The following EIF1 variants were observed in gnomAD, a reference collection of about 807,000 sequenced individuals.
EIF1 encodes protein translation factor SUI1 homolog.
EIF1 carries 4 observed loss-of-function variants against 13.7 expected under a neutral mutation model. The ratio of observed to expected loss-of-function variants is 0.29; its 90% CI spans 0.14 to 0.67. The LOEUF is 0.67. EIF1 is among the 30% of genes least tolerant of loss of function. The pLI, the probability that EIF1 is intolerant of heterozygous loss-of-function variation, is 0.77. For synonymous variants in EIF1, 67 were observed against 50.7 expected, an observed-to-expected ratio of 1.32 and a Z score of -1.37; for missense variants, 64 against 138.0, an observed-to-expected ratio of 0.46 and a Z score of 2.69.
At position 41,688,928 on chromosome 17, in the gene EIF1, C is replaced by G; in HGVS notation, c.-111C>G. ...CCGCCGAGGATTCAGCAGCCTCCCCCTTGAGCCCCCTCGCTTCCCGACGTT... is the reference window on the plus strand; with the variant it reads ...CCGCCGAGGATTCAGCAGCCTCCCCGTTGAGCCCCCTCGCTTCCCGACGTT... On this transcript the variant is annotated 5_prime_UTR_variant, in exon 1 of 4. Transcript: ENST00000469257. 4 of 1,142,378 alleles carry G rather than the reference C, an allele frequency of 3.5e-6. No individual in the cohort carries two copies. Among genetic ancestry groups the G allele is most frequent in the Non-Finnish European group, 5.1e-6 (4 of 781,372 alleles). The allele number at this position is 1,142,378 out of a possible 1,614,324, so 70.8% of individuals were successfully genotyped here.
chr17:41,689,479 G>A (rs894487926), intron 1 of EIF1: 4 of 455,632 alleles, frequency 8.8e-6, no homozygotes, highest in Non-Finnish European at 1.6e-5. Context: ...CGCCTCGGGA[G>A]CTCGGGTTCC....
At chr17:41,689,212 A>C (rs1040293509) in intron 1 of EIF1, 143 bp downstream of exon 1, 20 of 984,364 alleles carry the variant, frequency 2.0e-5, no homozygotes, top group Non-Finnish European at 2.9e-5. Flanking sequence ...GGGCAGCGGG[A>C]TCAAGGCCTG....
In EIF1 at chr17:41,689,768, T is replaced by G. The variant is rs1357525464; in HGVS notation, c.32-10T>G. 1 of 1,587,128 alleles carries G rather than the reference T, an allele frequency of 6.3e-7. No homozygotes were observed. Among genetic ancestry groups the G allele is most frequent in the South Asian group, 1.1e-5 (1 of 88,240 alleles). ...TGACAGCTCTGAACGAGCTTAACCT[T>G]TTTTTTCAGACCCCTTTGCTGATGC... On this transcript the variant is annotated splice_polypyrimidine_tract_variant and intron_variant, in intron 1 of 3. Transcript: ENST00000469257.
chr17:41,690,806 C>T lies in EIF1; in HGVS notation c.322C>T (p.Leu108=). Residue 108 remains leucine, a synonymous_variant, in exon 4 of 4, where the codon CTG becomes TTG. Transcript: ENST00000469257. ...GATTGGACTGGCTAAGGACGATCAG[C>T]TGAAGGTTCATGGGTTTTAAGTGCT... is the stretch of plus-strand genomic sequence containing the variant. ...VEIGLAKDDQ[L]KVHGF is the part of the protein sequence containing the mutation. The T allele has an allele frequency of 6.2e-7, 1 of 1,613,876 alleles. No homozygotes were observed. Among genetic ancestry groups the T allele is most frequent in the Non-Finnish European group, 8.5e-7 (1 of 1,179,852 alleles).
rs1267241257 is a variant in EIF1, at chr17:41,692,466, AGC to A, written c.*1641_*1642del. The stretch of plus-strand genomic sequence containing the variant: ...TTAGTTAAAAAGGCAAAGTTCTTTC[AGC>A]ACACATATCTGCATGCAGTCACGTG... On this transcript the variant is annotated 3_prime_UTR_variant, in exon 4 of 4. Transcript: ENST00000469257. 1.3e-5 allele frequency: 2 copies of A among 152,116 alleles called. No individual in the cohort carries two copies. Among genetic ancestry groups the A allele is most frequent in the Non-Finnish European group, 2.9e-5 (2 of 68,050 alleles). The allele number at this position is 152,116 out of a possible 1,614,324, so 9.4% of individuals were successfully genotyped here. A position where few individuals can be genotyped will look rare whatever the true frequency, so the allele number is the denominator to read the frequency against.
At chr17:41,690,697 AG>A in intron 3 of EIF1, 84 bp from the exon 4 acceptor site, 1 of 1,479,230 alleles carries the variant, frequency 6.8e-7, no homozygotes, top group South Asian at 1.1e-5. Flanking sequence ...GTGTAGTAGC[AG>A]GAAGACAGGG....
chr17:41,689,062 C>G lies in EIF1; in HGVS notation c.24C>G (p.His8Gln). The change falls in exon 1 of 4, where the codon CAC (histidine) becomes CAG (glutamine). Residue 8 changes from histidine to glutamine, a missense_variant. Around this residue, in one of 2 missense-constraint regions of EIF1, gnomAD observed 29 missense variants for 34.7 expected, o/e 0.84. Transcript: ENST00000469257. ...GTATGTCCGCTATCCAGAACCTCCA[C>G]TCTTTCGGTAAGCTATGGGAAAGGT... MSAIQNL[H>Q]SFDPFADASK... 1.2e-6 allele frequency: 2 copies of G among 1,613,744 alleles called. No individual in the cohort carries two copies. Among genetic ancestry groups the G allele is most frequent in the Non-Finnish European group, 1.7e-6 (2 of 1,179,920 alleles).
At chr17:41,689,670 G>T in intron 1 of EIF1, 108 bp from the exon 2 acceptor site, 3 of 1,192,544 alleles carry the variant, frequency 2.5e-6, no homozygotes, top group Non-Finnish European at 3.5e-6. Flanking sequence ...CCCAAGCCCT[G>T]ACGATTTCAG....
intron 3 of EIF1, chr17:41,690,520 ACT>A (rs2042582911): frequency 3.6e-6 from 2 of 562,098 alleles, no homozygotes; most frequent in Admixed American, 6.8e-5. Context: ...ATACTAAAAT[ACT>A]GTTACATGAT....
intron 1 of EIF1, 98 bp from the exon 2 acceptor site, chr17:41,689,680 G>A: frequency 1.6e-6 from 2 of 1,266,526 alleles, no homozygotes; most frequent in South Asian, 3.0e-5. Flanking sequence ...GACGATTTCA[G>A]TGTTGTTTTC....
intron 3 of EIF1, 30 bp downstream of exon 3, chr17:41,690,219 T>C (rs746948824): frequency 3.8e-6 from 6 of 1,568,388 alleles, no homozygotes; most frequent in Admixed American, 1.7e-5. Flanking sequence ...GATTTGTGCC[T>C]CTCTGCTGGC....
At chr17:41,690,568 T>C in intron 3 of EIF1, 1 of 583,946 alleles carries the variant, frequency 1.7e-6, no homozygotes, top group Non-Finnish European at 3.1e-6. Flanking sequence ...TTCAGATACC[T>C]GATGAGTCTC....
Position 41,692,619 on chromosome 17 carries a change from T to C in EIF1, c.*1793T>C, listed in dbSNP as rs1339104871. 1 of 152,218 alleles carries C rather than the reference T, an allele frequency of 6.6e-6. No homozygotes were observed. The highest frequency in any genetic ancestry group is 6.5e-5 in the Admixed American group (1 of 15,274). 9.4% of individuals were successfully genotyped at this position (152,218 alleles called of 1,614,324 possible). A position where few individuals can be genotyped will look rare whatever the true frequency, so the allele number is the denominator to read the frequency against. ...ATGGCCTACAAGAAGCTTGTGTGGATGGCTTTGAATGTGGCCCAACACGAA... is the reference window on the plus strand; with the variant it reads ...ATGGCCTACAAGAAGCTTGTGTGGACGGCTTTGAATGTGGCCCAACACGAA... On this transcript the variant is annotated 3_prime_UTR_variant, in exon 4 of 4. Transcript: ENST00000469257.
At chr17:41,689,181 G>A in intron 1 of EIF1, 112 bp downstream of exon 1, 3 of 1,294,818 alleles carry the variant, frequency 2.3e-6, no homozygotes, top group Admixed American at 1.8e-5. Context: ...CTCGGGCAGG[G>A]GAAACTTGAC....
chr17:41,690,284 A>G (rs1032326227), intron 3 of EIF1, 95 bp downstream of exon 3: 15 of 1,005,764 alleles, frequency 1.5e-5, no homozygotes, highest in Non-Finnish European at 2.1e-5. Flanking sequence ...TTGGCTTTGT[A>G]AGGCTGAGCA....
intron 1 of EIF1, chr17:41,689,359 A>ATTGCGTCACGTCCG: frequency 1.8e-6 from 1 of 555,058 alleles, no homozygotes; most frequent in East Asian, 3.1e-5. Flanking sequence ...TCCCGTCACC[A>ATTGCGTCACGTCCG]TTGCGTCACG....
At position 41,690,883 on chromosome 17, in the gene EIF1, C is replaced by T. The variant is rs1027899448; in HGVS notation, c.*57C>T. On this transcript the variant is annotated 3_prime_UTR_variant, in exon 4 of 4. Transcript: ENST00000469257. Reference sequence around the variant, plus strand: ...ATTTCCTTGCAATGAGTAGAATTTCCCTTCTCTCCCTTGTCACAGGTTTAA... The same window carrying T: ...ATTTCCTTGCAATGAGTAGAATTTCTCTTCTCTCCCTTGTCACAGGTTTAA... The T allele has an allele frequency of 8.2e-6, 13 of 1,586,152 alleles. No homozygotes were observed. The highest frequency in any genetic ancestry group is 5.4e-5 in the African/African-American group (4 of 74,222).
In EIF1 at chr17:41,689,826, C is replaced by T. The variant is rs760745427; in HGVS notation, c.80C>T (p.Thr27Ile). The T allele has an allele frequency of 3.7e-6, 6 of 1,613,508 alleles. No homozygotes were observed. Among genetic ancestry groups the T allele is most frequent in the South Asian group, 1.1e-5 (1 of 91,058 alleles). Reference sequence around the variant, plus strand: ...GGTGATGACCTGCTTCCTGCTGGCACTGAGGATTATATCCATATAAGAATT... The same window carrying T: ...GGTGATGACCTGCTTCCTGCTGGCATTGAGGATTATATCCATATAAGAATT... ...SKGDDLLPAG[T>I]EDYIHIRIQQ... is the part of the protein sequence containing the mutation. The change falls in exon 2 of 4, where the codon ACT (threonine) becomes ATT (isoleucine). Residue 27 changes from threonine to isoleucine, a missense_variant. Thr to Ile is a moderately conservative substitution (Grantham distance 89). Around this residue, in one of 2 missense-constraint regions of EIF1, gnomAD observed 29 missense variants for 34.7 expected, o/e 0.84. Coordinates refer to ENST00000469257, the MANE Select transcript of EIF1 (RefSeq NM_005801.4).
intron 1 of EIF1, 176 bp downstream of exon 1, chr17:41,689,245 C>T (rs1183930327): frequency 8.3e-6 from 6 of 724,798 alleles, no homozygotes; most frequent in South Asian, 1.8e-5. Context: ...GGACCCTGAG[C>T]GCGACCGGAA....
Sources: gnomAD v4.1 joint callset for allele counts on GRCh38, gnomAD v4.1.1 for gene constraint, gnomAD v4.1.1 regional missense constraint, MANE v1.5 for transcripts, NCBI Gene and HGNC (gene_info 2026-07-23, HGNC 2026-07-21) for gene names.